The following SPRED2 variants were observed in gnomAD, a reference collection of about 807,000 sequenced individuals.
SPRED2 encodes sprouty related EVH1 domain containing 2, also known as sprouty-related, EVH1 domain-containing protein 2.
SPRED2 carries 47 observed loss-of-function variants against 43.0 expected under a neutral mutation model. The observed-to-expected ratio is 1.09, with a 90% CI of 0.87 to 1.40. SPRED2 has a LOEUF of 1.40. Ranked by LOEUF, SPRED2 falls within the 40% of genes most tolerant of loss-of-function variation. SPRED2 has a pLI of 0.00. For missense variants in SPRED2, 561 were observed against 586.4 expected (o/e 0.96, Z 0.45); for synonymous variants, 225 against 225.7 (o/e 1.00, Z 0.03).
intron 1 of SPRED2, among the ~76,000 whole-genome samples, chr2:65,392,171 ATTTCTTTTT>A (rs1675652571): frequency 7.6e-6 from 1 of 131,830 alleles, no homozygotes; most frequent in Non-Finnish European, 1.7e-5. Flanking sequence ...TTCTTCCAGA[ATTTCTTTTT>A]TTTTTTTTTT....
chr2:65,312,784 C>T lies in SPRED2; in HGVS notation c.*717G>A. On this transcript the variant is annotated 3_prime_UTR_variant, in exon 6 of 6. Coordinates refer to ENST00000356388, the MANE Select transcript of SPRED2 (RefSeq NM_181784.3). ...GTTAATCTGAAGTTAAGGCTCAATT[C>T]TCAGTCTATTACGGGTGAATGTTTT... is the stretch of plus-strand genomic sequence containing the variant. 1.0e-6 allele frequency: 1 copy of T among 985,826 alleles called. No individual in the cohort carries two copies. Among genetic ancestry groups the T allele is most frequent in the Non-Finnish European group, 1.2e-6 (1 of 829,924 alleles). 61.1% of individuals were successfully genotyped at this position (985,826 alleles called of 1,614,324 possible).
chr2:65,342,133 A>G (rs889108373), intron 2 of SPRED2, among the ~76,000 whole-genome samples: 1 of 150,076 alleles, frequency 6.7e-6, no homozygotes, highest in African/African-American at 2.4e-5. Context: ...TTAATTAGCA[A>G]GCAATAAGAT....
At chr2:65,375,626 G>A (rs1445245450) in intron 1 of SPRED2, among the ~76,000 whole-genome samples, 1 of 152,326 alleles carries the variant, frequency 6.6e-6, no homozygotes, top group Non-Finnish European at 1.5e-5. Context: ...TATTTTGTAG[G>A]TAGAAACCTA....
chr2:65,362,070 A>T (rs1674829498), intron 1 of SPRED2, among the ~76,000 whole-genome samples: 1 of 152,232 alleles, frequency 6.6e-6, no homozygotes, highest in Admixed American at 6.5e-5. Flanking sequence ...CTTCGATTGA[A>T]ATCAAGAAAG....
chr2:65,394,401 A>C (rs528222482), intron 1 of SPRED2, among the ~76,000 whole-genome samples: 1 of 152,324 alleles, frequency 6.6e-6, no homozygotes, highest in Non-Finnish European at 1.5e-5. Context: ...GCAGCTGTGA[A>C]TGGACAGGAA....
downstream of SPRED2, among the ~76,000 whole-genome samples, chr2:65,307,462 T>G (rs1672964632): frequency 6.6e-6 from 1 of 151,836 alleles, no homozygotes; most frequent in African/African-American, 2.4e-5. Flanking sequence ...TCCCAAAGTG[T>G]TGGGATTACA....
Position 65,311,334 on chromosome 2 carries a change from G to A in SPRED2, c.*2167C>T, listed in dbSNP as rs1341292794. ...TGCCTTCACAAACCAAAAAGTATAC[G>A]TGGAGTAAGATCTGCTAGCGTAACT... On this transcript the variant is annotated 3_prime_UTR_variant, in exon 6 of 6. Transcript: ENST00000356388. 13 of 985,678 alleles carry A rather than the reference G, an allele frequency of 1.3e-5. No individual in the cohort carries two copies. Among genetic ancestry groups the A allele is most frequent in the Admixed American group, 6.2e-5 (1 of 16,256 alleles). 61.1% of individuals were successfully genotyped at this position (985,678 alleles called of 1,614,324 possible).
chr2:65,331,875 C>T, intron 4 of SPRED2, 112 bp downstream of exon 4: 1 of 792,682 alleles, frequency 1.3e-6, no homozygotes, highest in East Asian at 2.6e-5. Context: ...TGATGCCATC[C>T]AAACAGCAAC....
intron 1 of SPRED2, among the ~76,000 whole-genome samples, chr2:65,363,014 T>TTTTTTTTTTG (rs1674868112): frequency 1.3e-5 from 1 of 76,038 alleles, no homozygotes; most frequent in African/African-American, 6.4e-5. Context: ...TGTTTTTTTT[T>TTTTTTTTTTG]TTTTTTTTTT....
At chr2:65,367,879 G>C (rs1457104852) in intron 1 of SPRED2, among the ~76,000 whole-genome samples, 1 of 152,176 alleles carries the variant, frequency 6.6e-6, no homozygotes, top group East Asian at 1.9e-4. Context: ...ATGTGGCACA[G>C]GGTTTGCTTG....
intron 1 of SPRED2, chr2:65,366,479 A>G: frequency 8.8e-7 from 1 of 1,141,932 alleles, no homozygotes; most frequent in East Asian, 2.6e-5. Context: ...GTGGTCCTCT[A>G]CAACTAGGAT....
chr2:65,431,143 C>T (rs1676676249), intron 1 of SPRED2, among the ~76,000 whole-genome samples: 1 of 151,802 alleles, frequency 6.6e-6, no homozygotes, highest in Admixed American at 6.5e-5. Context: ...GGCGGAGCGC[C>T]CCGAGCATTG....
chr2:65,322,229 CCTCTCTCTCTCTCT>C (rs71905140), intron 4 of SPRED2, among the ~76,000 whole-genome samples: 1,162 of 61,210 alleles, frequency 0.019, 30 homozygotes, highest in African/African-American at 0.053. Flanking sequence ...GGTCTCCTTT[CCTCTCTCTCTCTCT>C]CTCTCTCTCT....
intron 1 of SPRED2, among the ~76,000 whole-genome samples, chr2:65,393,445 C>A (rs1473502480): frequency 6.6e-6 from 1 of 151,808 alleles, no homozygotes; most frequent in Admixed American, 6.6e-5. Flanking sequence ...GATTCTCCTG[C>A]CTCAGCCTCC....
intron 1 of SPRED2, among the ~76,000 whole-genome samples, chr2:65,417,063 C>A (rs529861004): frequency 2.0e-5 from 3 of 152,244 alleles, no homozygotes; most frequent in South Asian, 4.2e-4. Context: ...AGAGTTCTCA[C>A]AACAATGTGC....
At chr2:65,377,658 CTGGAGA>C (rs1313359984) in intron 1 of SPRED2, 1 of 471,172 alleles carries the variant, frequency 2.1e-6, no homozygotes, top group Non-Finnish European at 4.4e-6. Flanking sequence ...AGATGCCCAG[CTGGAGA>C]TAAGACTGCA....
At chr2:65,359,532 C>A (rs1358997708) in intron 1 of SPRED2, among the ~76,000 whole-genome samples, 7 of 152,078 alleles carry the variant, frequency 4.6e-5, no homozygotes, top group Admixed American at 3.9e-4. Flanking sequence ...ATAACTGAAA[C>A]CCTGCGTGGC....
Position 65,392,928 on chromosome 2 carries a change from T to G in SPRED2, c.26+39034A>C, listed in dbSNP as rs370788165. On this transcript the variant is annotated intron_variant, in intron 1 of 5. Coordinates refer to ENST00000356388, the MANE Select transcript of SPRED2 (RefSeq NM_181784.3). ...CAGCACATGGACCAGCACGGGACCATGGATCCGTCAGACCTCCATGAACTA... is the reference window on the plus strand; with the variant it reads ...CAGCACATGGACCAGCACGGGACCAGGGATCCGTCAGACCTCCATGAACTA... 2.6e-5 allele frequency among the ~76,000 whole-genome samples: 4 copies of G among 152,120 alleles called. 1 individual carries two copies. The South Asian group carries it at 8.3e-4, about 32-fold the overall frequency.
chr2:65,391,074 C>A (rs1218832624), intron 1 of SPRED2, among the ~76,000 whole-genome samples: 1 of 125,322 alleles, frequency 8.0e-6, no homozygotes, highest in Non-Finnish European at 1.7e-5. Flanking sequence ...GGTGACAGAG[C>A]GAGACTCCAT....
Sources: allele counts gnomAD v4.1 joint callset (sites outside exome capture counted in the v4.1 genomes callset), GRCh38; gene constraint gnomAD v4.1.1; transcripts MANE v1.5; gene names NCBI Gene and HGNC (gene_info 2026-07-23, HGNC 2026-07-21).